Variants in AKAP13 observed in about 807,000 individuals in gnomAD.
The protein encoded by AKAP13 is A-kinase anchor protein 13.
In AKAP13, 80 loss-of-function variants were observed where a neutral mutation model predicts 264.5. The observed-to-expected ratio is 0.30, with a 90% CI of 0.25 to 0.36. AKAP13 has a LOEUF of 0.36. AKAP13 is among the 10% of genes least tolerant of loss of function. The pLI is 1.00. For missense variants in AKAP13, 3,712 were observed against 3,435.2 expected, an observed-to-expected ratio of 1.08 and a Z score of -2.01; for synonymous variants, 1,380 against 1,250.2, an observed-to-expected ratio of 1.10 and a Z score of -2.19.
At chr15:85,614,953 T>C (rs2080870533) in intron 8 of AKAP13, among the ~76,000 whole-genome samples, 1 of 152,214 alleles carries the variant, frequency 6.6e-6, no homozygotes, top group African/African-American at 2.4e-5. Flanking sequence ...GATTAAACTA[T>C]CCTGTCACTT....
At chr15:85,478,786 G>A (rs2075262368) in intron 1 of AKAP13, among the ~76,000 whole-genome samples, 1 of 151,622 alleles carries the variant, frequency 6.6e-6, no homozygotes, top group Non-Finnish European at 1.5e-5. Context: ...TATGATAGTG[G>A]GGCAGAGCAG....
chr15:85,689,957 C>G (rs2085184832), intron 16 of AKAP13: 3 of 152,258 alleles, frequency 2.0e-5, no homozygotes, highest in Admixed American at 1.3e-4. Context: ...CAGCTCAAAG[C>G]TGCTGAGCTC....
At chr15:85,432,970 C>T (rs2073090056) in intron 1 of AKAP13, among the ~76,000 whole-genome samples, 1 of 152,114 alleles carries the variant, frequency 6.6e-6, no homozygotes, top group East Asian at 1.9e-4. Context: ...ATATACACCC[C>T]ATTACCTTGA....
chr15:85,655,780 C>G lies in AKAP13; in HGVS notation c.4738C>G (p.His1580Asp). The G allele has an allele frequency of 6.2e-7, 1 of 1,606,320 alleles. No individual in the cohort carries two copies. Among genetic ancestry groups the G allele is most frequent in the Non-Finnish European group, 8.5e-7 (1 of 1,173,930 alleles). ...TGCAGCCAGCGATGCAGAAATGAAC[C>G]ACCGGAGGTGAGATGGGAGGCGGTT... is the stretch of plus-strand genomic sequence containing the variant. Reference protein sequence around the residue: ...KNAASDAEMNHRSSMRVLGDV... With the variant: ...KNAASDAEMNDRSSMRVLGDV... Residue 1580 changes from histidine to aspartate, a missense_variant, in exon 11 of 37, where the codon CAC (histidine) becomes GAC (aspartate). Coordinates refer to ENST00000394518, the MANE Select transcript of AKAP13 (RefSeq NM_007200.5).
chr15:85,458,155 G>A lies in AKAP13; in HGVS notation c.-11-27555G>A, dbSNP rs55667087. ...CTCCATCTCAAAAAAAAAAAAAAAA[G>A]TTGAAAATACTAACTTTTAATTATC... On this transcript the variant is annotated intron_variant, in intron 1 of 36. Coordinates refer to ENST00000394518, the MANE Select transcript of AKAP13 (RefSeq NM_007200.5). Among the ~76,000 whole-genome samples, 1,024 of 143,582 alleles carry A rather than the reference G, an allele frequency of 7.1e-3. 7 individuals are homozygous for A. The highest frequency in any genetic ancestry group is 0.012 in the Non-Finnish European group (815 of 66,454). The allele number at this position is 143,582 out of a possible 152,430, so 94.2% of individuals were successfully genotyped here. A position where few individuals can be genotyped will look rare whatever the true frequency, so the allele number is the denominator to read the frequency against.
chr15:85,531,783 A>C (rs1034206136), intron 3 of AKAP13, among the ~76,000 whole-genome samples: 2 of 152,192 alleles, frequency 1.3e-5, no homozygotes, highest in Non-Finnish European at 2.9e-5. Context: ...GTGTGGATTC[A>C]GTGTTCATGT....
rs1451399839 is a variant in AKAP13, at chr15:85,521,643, A to C, written c.181+68A>C. ...TAAACCCTTTTATTCGATGTTTATGAGTATAGAGTGACAGGAAGAGTGAAG... is the reference window on the plus strand; with the variant it reads ...TAAACCCTTTTATTCGATGTTTATGCGTATAGAGTGACAGGAAGAGTGAAG... On this transcript the variant is annotated intron_variant, in intron 3 of 36. Transcript: ENST00000394518. 3.3e-6 allele frequency: 5 copies of C among 1,523,604 alleles called. No homozygotes were observed. In the East Asian group the frequency reaches 9.1e-5, roughly 28 times the overall value. 94.4% of individuals were successfully genotyped at this position (1,523,604 alleles called of 1,614,324 possible). A position where few individuals can be genotyped will look rare whatever the true frequency, so the allele number is the denominator to read the frequency against.
intron 8 of AKAP13, among the ~76,000 whole-genome samples, chr15:85,625,959 C>T (rs2081390768): frequency 6.6e-6 from 1 of 152,246 alleles, no homozygotes; most frequent in Non-Finnish European, 1.5e-5. Flanking sequence ...CTTTACATCT[C>T]TTAAGCAGCT....
At chr15:85,696,436 C>A (rs568854855) in intron 17 of AKAP13, among the ~76,000 whole-genome samples, 19 of 152,330 alleles carry the variant, frequency 1.2e-4, no homozygotes, top group African/African-American at 4.6e-4. Flanking sequence ...GAGGCACCCA[C>A]TTATCAATTA....
At chr15:85,717,254 T>A in intron 20 of AKAP13, 36 bp from the exon 21 acceptor site, 1 of 1,347,860 alleles carries the variant, frequency 7.4e-7, no homozygotes, top group Non-Finnish European at 1.0e-6. Context: ...GTTATCAGAA[T>A]GTATTTGACA....
chr15:85,698,405 C>G (rs927638685), intron 17 of AKAP13, among the ~76,000 whole-genome samples: 8 of 134,586 alleles, frequency 5.9e-5, no homozygotes, highest in Admixed American at 4.3e-4. Flanking sequence ...ACAGAGGTTG[C>G]AGTGAGCCGA....
intron 3 of AKAP13, among the ~76,000 whole-genome samples, chr15:85,523,194 C>G (rs947787288): frequency 3.4e-4 from 51 of 152,154 alleles, no homozygotes; most frequent in African/African-American, 1.2e-3. Flanking sequence ...AAGGAGATTC[C>G]TGACCGGACC....
chr15:85,458,438 G>T, intron 1 of AKAP13, among the ~76,000 whole-genome samples: 1 of 117,084 alleles, frequency 8.5e-6, no homozygotes, highest in Non-Finnish European at 1.7e-5. Context: ...CAACACATCT[G>T]TATTTTAGTT....
intron 12 of AKAP13, among the ~76,000 whole-genome samples, chr15:85,660,352 C>CAAAAAAAAAA (rs35636118): frequency 1.5e-5 from 1 of 68,544 alleles, no homozygotes; most frequent in Non-Finnish European, 2.6e-5. Flanking sequence ...ATCTAAGTCT[C>CAAAAAAAAAA]AAAAAAAAAA....
intron 20 of AKAP13, among the ~76,000 whole-genome samples, chr15:85,716,509 A>G (rs2086957017): frequency 6.6e-6 from 1 of 152,150 alleles, no homozygotes; most frequent in Non-Finnish European, 1.5e-5. Context: ...GTTGCTGACT[A>G]TTTTGGGTAA....
At chr15:85,431,195 A>G (rs2073010656) in intron 1 of AKAP13, among the ~76,000 whole-genome samples, 1 of 152,230 alleles carries the variant, frequency 6.6e-6, no homozygotes, top group Non-Finnish European at 1.5e-5. Context: ...TAGGGCAAGC[A>G]ACATTATAAC....
intron 33 of AKAP13, among the ~76,000 whole-genome samples, chr15:85,736,961 C>G (rs974269953): frequency 6.7e-5 from 9 of 134,672 alleles, no homozygotes; most frequent in African/African-American, 2.6e-4. Context: ...CTCTGTTGTC[C>G]AGGCTGGAGT....
At chr15:85,669,107 G>A (rs577524431) in intron 13 of AKAP13, among the ~76,000 whole-genome samples, 7 of 150,614 alleles carry the variant, frequency 4.6e-5, no homozygotes, top group Admixed American at 1.3e-4. Flanking sequence ...GTGGTGGCGC[G>A]CACCTGTAAT....
chr15:85,411,458 G>C (rs2071961756), intron 1 of AKAP13, among the ~76,000 whole-genome samples: 1 of 151,724 alleles, frequency 6.6e-6, no homozygotes, highest in African/African-American at 2.4e-5. Context: ...TTTTTTTTGA[G>C]ATGGAGTCTT....
Sources: gnomAD v4.1 joint callset for allele counts (sites outside exome capture counted in the v4.1 genomes callset) on GRCh38, gnomAD v4.1.1 for gene constraint, MANE v1.5 for transcripts, NCBI Gene and HGNC (gene_info 2026-07-23, HGNC 2026-07-21) for gene names.